The following PCDH15 variants were observed in gnomAD, a reference collection of about 807,000 sequenced individuals.
PCDH15 encodes protocadherin related 15, also known as protocadherin-15.
Under a neutral mutation model 178.5 loss-of-function variants are expected in PCDH15, and 129 were observed. The observed-to-expected ratio is 0.72, with a 90% CI of 0.63 to 0.84. The LOEUF (loss-of-function observed/expected upper bound fraction) is 0.84. Among genes scored for constraint, PCDH15 ranks in the 40% least tolerant of loss-of-function variants. The probability of loss-of-function intolerance (pLI) is 0.00; values close to 1 mark genes in which losing one functional copy is unlikely to be tolerated. For missense variants in PCDH15, 2,230 were observed against 2,099.9 expected (o/e 1.06, Z -1.21); for synonymous variants, 800 against 732.0 (o/e 1.09, Z -1.50).
intron 2 of PCDH15, among the ~76,000 whole-genome samples, chr10:54,905,067 C>T (rs1388027404): frequency 6.6e-6 from 1 of 151,760 alleles, no homozygotes; most frequent in African/African-American, 2.4e-5. Context: ...TATAAGAAAA[C>T]CAATGTTCAG....
chr10:53,995,828 G>C, intron 20 of PCDH15, 63 bp from the exon 21 acceptor site: 1 of 1,406,840 alleles, frequency 7.1e-7, no homozygotes, highest in Non-Finnish European at 1.0e-6. Context: ...ACAGTTACTA[G>C]ATTGACTCCC....
chr10:53,829,508 C>T (rs1037562051), intron 30 of PCDH15, among the ~76,000 whole-genome samples: 9 of 151,956 alleles, frequency 5.9e-5, no homozygotes, highest in South Asian at 2.1e-4. Context: ...ACTGGTAATA[C>T]GGAATGGATT....
At chr10:54,934,148 G>T (rs1453857956) in intron 2 of PCDH15, among the ~76,000 whole-genome samples, 1 of 152,046 alleles carries the variant, frequency 6.6e-6, no homozygotes, top group Non-Finnish European at 1.5e-5. Context: ...GAAATCTATA[G>T]TGTTTAATAA....
chr10:55,030,583 C>G (rs926476622), intron 2 of PCDH15, among the ~76,000 whole-genome samples: 2 of 152,092 alleles, frequency 1.3e-5, no homozygotes, highest in African/African-American at 4.8e-5. Flanking sequence ...AAAGTTAGAT[C>G]AAGTAAGAGA....
intron 1 of PCDH15, among the ~76,000 whole-genome samples, chr10:54,695,566 C>T (rs185042789): frequency 6.6e-6 from 1 of 152,008 alleles, no homozygotes; most frequent in Non-Finnish European, 1.5e-5. Flanking sequence ...GATGAAAATA[C>T]CTTCTATGGA....
chr10:54,645,591 A>C (rs146042583), intron 2 of PCDH15, among the ~76,000 whole-genome samples: 58 of 152,256 alleles, frequency 3.8e-4, no homozygotes, highest in African/African-American at 1.3e-3. Flanking sequence ...AATCAAAGAC[A>C]AGATGGACAG....
intron 2 of PCDH15, among the ~76,000 whole-genome samples, chr10:54,958,750 C>G (rs1172799586): frequency 2.6e-5 from 4 of 151,128 alleles, no homozygotes; most frequent in African/African-American, 7.3e-5. Flanking sequence ...TGAAATGAAA[C>G]AGAGAAAAGG....
At chr10:55,062,551 G>A (rs1841459113) in intron 2 of PCDH15, among the ~76,000 whole-genome samples, 1 of 152,184 alleles carries the variant, frequency 6.6e-6, no homozygotes, top group Non-Finnish European at 1.5e-5. Context: ...TATGGAGACA[G>A]TGAAATGATC....
At chr10:54,755,027 C>T (rs568473611) in intron 1 of PCDH15, among the ~76,000 whole-genome samples, 1 of 142,798 alleles carries the variant, frequency 7.0e-6, no homozygotes, top group South Asian at 2.3e-4. Context: ...TGGCTCACTG[C>T]AACCTCTGTC....
chr10:53,876,043 G>A (rs2080204090), intron 26 of PCDH15, among the ~76,000 whole-genome samples: 1 of 152,136 alleles, frequency 6.6e-6, no homozygotes. Context: ...CTGAAATAGA[G>A]TGAAAGTGTT....
At chr10:55,104,614 T>G (rs1038319251) in intron 2 of PCDH15, among the ~76,000 whole-genome samples, 4 of 152,200 alleles carry the variant, frequency 2.6e-5, no homozygotes, top group African/African-American at 9.7e-5. Context: ...CAGTGATGAC[T>G]TCTTTACTTT....
intron 21 of PCDH15, among the ~76,000 whole-genome samples, chr10:53,971,901 C>T (rs1382495354): frequency 6.6e-6 from 1 of 152,144 alleles, no homozygotes; most frequent in Admixed American, 6.5e-5. Context: ...CCCCATCAAG[C>T]TACCAATGAC....
At chr10:54,512,359 T>TTGTGTGTGTGTGTGTGTGTGTGTG (rs200575121) in intron 3 of PCDH15, among the ~76,000 whole-genome samples, 6 of 134,174 alleles carry the variant, frequency 4.5e-5, no homozygotes, top group Non-Finnish European at 8.1e-5. Context: ...ATTTCTGGCA[T>TTGTGTGTGTGTGTGTGTGTGTGTG]TGTGTGTGTG....
intron 2 of PCDH15, among the ~76,000 whole-genome samples, chr10:54,934,662 T>G (rs887878017): frequency 6.6e-6 from 1 of 150,954 alleles, no homozygotes; most frequent in African/African-American, 2.4e-5. Context: ...ATTGTGGAAG[T>G]CAGTGTGGCG....
chr10:54,961,028 G>T (rs373942384), intron 2 of PCDH15, among the ~76,000 whole-genome samples: 6 of 152,324 alleles, frequency 3.9e-5, no homozygotes, highest in Admixed American at 6.5e-5. Context: ...CAATAAGAAA[G>T]AATTTAATAA....
chr10:54,081,215 G>A (rs2094432543), intron 16 of PCDH15, among the ~76,000 whole-genome samples: 1 of 151,944 alleles, frequency 6.6e-6, no homozygotes, highest in African/African-American at 2.4e-5. Context: ...CAAGAGAAAA[G>A]ATCCATTATT....
intron 3 of PCDH15, among the ~76,000 whole-genome samples, chr10:54,820,052 A>G (rs1159346027): frequency 6.6e-6 from 1 of 152,108 alleles, no homozygotes; most frequent in Non-Finnish European, 1.5e-5. Context: ...AATCATTATC[A>G]AAGTGTATTA....
intron 2 of PCDH15, among the ~76,000 whole-genome samples, chr10:54,599,317 CA>C (rs767451206): frequency 6.6e-5 from 10 of 151,648 alleles, no homozygotes; most frequent in Admixed American, 3.3e-4. Context: ...ATGCATAGAC[CA>C]AAAAAACAAA....
intron 2 of PCDH15, among the ~76,000 whole-genome samples, chr10:55,394,263 G>T (rs1837870017): frequency 6.6e-6 from 1 of 150,662 alleles, no homozygotes; most frequent in African/African-American, 2.4e-5. Flanking sequence ...TTCCCACTTT[G>T]GTCTCACTTT....
Sources: gnomAD v4.1 joint callset for allele counts (sites outside exome capture counted in the v4.1 genomes callset) on GRCh38, gnomAD v4.1.1 for gene constraint, MANE v1.5 for transcripts, NCBI Gene and HGNC (gene_info 2026-07-23, HGNC 2026-07-21) for gene names.